The following BCLAF1 variants were observed in gnomAD, a reference collection of about 807,000 sequenced individuals.
The protein encoded by BCLAF1 is BCL2 associated transcription factor 1, also known as bcl-2-associated transcription factor 1.
Under a neutral mutation model 99.5 loss-of-function variants are expected in BCLAF1, and 10 were observed. That is an observed-to-expected ratio of 0.10 (90% CI 0.06 to 0.17). The LOEUF (loss-of-function observed/expected upper bound fraction) is 0.17, where lower values mean the gene tolerates loss of function less well. Among genes scored for constraint, BCLAF1 ranks in the 10% least tolerant of loss-of-function variants. BCLAF1 has a pLI of 1.00. For synonymous variants in BCLAF1, 255 were observed against 370.9 expected (o/e 0.69, Z 3.59); for missense variants, 636 against 1,105.8 (o/e 0.58, Z 6.02).
intron 2 of BCLAF1, among the ~76,000 whole-genome samples, chr6:136,280,715 T>A (rs1481944512): frequency 6.6e-6 from 1 of 152,184 alleles, no homozygotes; most frequent in East Asian, 1.9e-4. Context: ...TCAAAACTAA[T>A]TGATTTATAA....
rs547644997 is a variant in BCLAF1 at position 136,271,151 on chromosome 6, T to C, written c.2043+844A>G. On this transcript the variant is annotated intron_variant, in intron 8 of 12. Coordinates refer to ENST00000531224, the MANE Select transcript of BCLAF1 (RefSeq NM_014739.3). ...TTATTCAACAACTCTGCAAAACAGA[T>C]GCATTCTCATTTTTCTAATTAGAAA... Among the ~76,000 whole-genome samples the C allele has an allele frequency of 4.6e-5, 7 of 151,944 alleles. No individual in the cohort carries two copies. In the East Asian group the frequency reaches 1.2e-3, roughly 25 times the overall value.
chr6:136,265,218 AAC>A (rs1415924900), intron 11 of BCLAF1, among the ~76,000 whole-genome samples: 1 of 152,066 alleles, frequency 6.6e-6, no homozygotes, highest in Non-Finnish European at 1.5e-5. Flanking sequence ...CTGTGATCTT[AAC>A]ACAGCTTTAA....
intron 1 of BCLAF1, among the ~76,000 whole-genome samples, chr6:136,289,025 A>C (rs1158707412): frequency 1.3e-5 from 2 of 152,154 alleles, no homozygotes; most frequent in East Asian, 1.9e-4. Context: ...CGCTCGCTTC[A>C]AAACAGCAGG....
intron 11 of BCLAF1, among the ~76,000 whole-genome samples, chr6:136,265,140 C>T (rs1233035570): frequency 6.6e-6 from 1 of 152,168 alleles, no homozygotes; most frequent in East Asian, 1.9e-4. Context: ...TGGTCTACTT[C>T]TCTGGCATTT....
At chr6:136,271,810 A>G in intron 8 of BCLAF1, 185 bp downstream of exon 8, 1 of 407,704 alleles carries the variant, frequency 2.5e-6, no homozygotes, top group Non-Finnish European at 4.4e-6. Context: ...TTTAAATTTA[A>G]GACACTTAGT....
At chr6:136,269,033 C>T (rs546712057) in intron 9 of BCLAF1, 7 of 797,848 alleles carry the variant, frequency 8.8e-6, no homozygotes, top group East Asian at 8.7e-5. Context: ...CTTCCTCCCC[C>T]CCATCTCTCC....
At chr6:136,274,430 A>T (rs1206835178) in intron 6 of BCLAF1, among the ~76,000 whole-genome samples, 1 of 152,064 alleles carries the variant, frequency 6.6e-6, no homozygotes, top group Non-Finnish European at 1.5e-5. Context: ...AGAATGTTTC[A>T]TATTTTATGT....
At chr6:136,264,329 C>T (rs1351291918) in intron 11 of BCLAF1, among the ~76,000 whole-genome samples, 2 of 152,122 alleles carry the variant, frequency 1.3e-5, no homozygotes, top group East Asian at 1.9e-4. Flanking sequence ...GCCTCAGCCT[C>T]CCGAGTAGTT....
intron 2 of BCLAF1, among the ~76,000 whole-genome samples, chr6:136,282,335 G>A (rs1346425879): frequency 6.6e-6 from 1 of 151,916 alleles, no homozygotes; most frequent in Non-Finnish European, 1.5e-5. Context: ...TGTATGTCCT[G>A]AGTCTTTTAG....
intron 11 of BCLAF1, 36 bp from the exon 12 acceptor site, chr6:136,261,513 T>A (rs1168320362): frequency 6.3e-7 from 1 of 1,580,790 alleles, no homozygotes; most frequent in East Asian, 2.2e-5. Flanking sequence ...CAATGAAATG[T>A]TTCTTGTAAA....
At chr6:136,271,773 A>G (rs1172695515) in intron 8 of BCLAF1, 1 of 341,828 alleles carries the variant, frequency 2.9e-6, no homozygotes, top group African/African-American at 2.2e-5. Context: ...TTTTCCTTTC[A>G]TTAGTGTTTT....
chr6:136,279,022 C>CACACAT (rs1203291343), intron 3 of BCLAF1, among the ~76,000 whole-genome samples: 1 of 151,264 alleles, frequency 6.6e-6, no homozygotes, highest in African/African-American at 2.4e-5. Flanking sequence ...CACACACACA[C>CACACAT]ACACGCATGT....
chr6:136,265,471 C>G (rs1781588271), intron 11 of BCLAF1, among the ~76,000 whole-genome samples: 1 of 152,154 alleles, frequency 6.6e-6, no homozygotes, highest in African/African-American at 2.4e-5. Flanking sequence ...TTAGTTCAGA[C>G]ACTATATTCT....
intron 4 of BCLAF1, 97 bp from the exon 5 acceptor site, chr6:136,276,605 A>T: frequency 4.3e-6 from 6 of 1,385,542 alleles, no homozygotes; most frequent in Non-Finnish European, 5.7e-6. Context: ...CAGGACCAGC[A>T]AGAGAGAAAA....
chr6:136,261,140 GAT>G (rs756785936), intron 12 of BCLAF1, 25 bp from the exon 13 acceptor site: 4 of 1,573,498 alleles, frequency 2.5e-6, no homozygotes, highest in Non-Finnish European at 2.6e-6. Context: ...AAAAATTAAA[GAT>G]TAACAAAAGA....
Position 136,275,860 on chromosome 6 carries a change from A to C in BCLAF1, c.1665T>G (p.Pro555=). ...PEVKLKMAPV[P]LDDSNRPASL... The stretch of plus-strand genomic sequence containing the variant: ...GGAATTACCTGTTAGAATCATCAAG[A>C]GGAACAGGTGCCATTTTGAGTTTGA... The change falls in exon 5 of 13, where the codon CCT becomes CCG. Residue 555 remains proline (P), a synonymous_variant. Transcript: ENST00000531224. 1.2e-6 allele frequency: 2 copies of C among 1,612,812 alleles called. No homozygotes were observed. Among genetic ancestry groups the C allele is most frequent in the Non-Finnish European group, 1.7e-6 (2 of 1,179,462 alleles).
rs1780760786 is a variant in BCLAF1 at position 136,259,881 on chromosome 6, A to T, written c.*1229T>A. On this transcript the variant is annotated 3_prime_UTR_variant, in exon 13 of 13. Coordinates refer to ENST00000531224, the MANE Select transcript of BCLAF1 (RefSeq NM_014739.3). The stretch of plus-strand genomic sequence containing the variant: ...TTAACATTGAAATTTACTATTTTAG[A>T]TTTTCACTCCTTTAAGAGCTATCAA... 6.6e-6 allele frequency: 1 copy of T among 151,982 alleles called. No individual in the cohort carries two copies. Among genetic ancestry groups the T allele is most frequent in the Non-Finnish European group, 1.5e-5 (1 of 67,886 alleles). 9.4% of individuals were successfully genotyped at this position (151,982 alleles called of 1,614,324 possible). A position where few individuals can be genotyped will look rare whatever the true frequency, so the allele number is the denominator to read the frequency against.
chr6:136,267,520 T>TATC (rs1781882702), intron 10 of BCLAF1, among the ~76,000 whole-genome samples: 1 of 151,910 alleles, frequency 6.6e-6, no homozygotes, highest in Non-Finnish European at 1.5e-5. Context: ...CAGCCATACC[T>TATC]ATCACCATAC....
At chr6:136,265,144 G>A (rs999065474) in intron 11 of BCLAF1, among the ~76,000 whole-genome samples, 1 of 151,988 alleles carries the variant, frequency 6.6e-6, no homozygotes, top group Non-Finnish European at 1.5e-5. Flanking sequence ...CTACTTCTCT[G>A]GCATTTTTAC....
Sources: gnomAD v4.1 joint callset for allele counts (sites outside exome capture counted in the v4.1 genomes callset) on GRCh38, gnomAD v4.1.1 for gene constraint, MANE v1.5 for transcripts, NCBI Gene and HGNC (gene_info 2026-07-23, HGNC 2026-07-21) for gene names.